Variants in TMCO5A observed in about 807,000 individuals in gnomAD.
TMCO5A encodes the protein transmembrane and coiled-coil domain-containing protein 5A.
In TMCO5A, 34 loss-of-function variants were observed where a neutral mutation model predicts 42.3. The observed-to-expected ratio is 0.80, with a 90% CI of 0.61 to 1.07. TMCO5A has a LOEUF of 1.07. Among genes scored for constraint, TMCO5A ranks in the 50% least tolerant of loss-of-function variants. The probability of loss-of-function intolerance (pLI) is 0.00; values close to 1 mark genes in which losing one functional copy is unlikely to be tolerated. For missense variants in TMCO5A, 357 were observed against 327.9 expected (o/e 1.09, Z -0.69); for synonymous variants, 131 against 115.6 (o/e 1.13, Z -0.86).
At chr15:38,030,251 C>T in the TMCO5A span, among the ~76,000 whole-genome samples, 6 of 152,164 alleles carry the variant, frequency 3.9e-5, no homozygotes, top group East Asian at 9.6e-4. Context: ...CAATTCTGAT[C>T]GTTCTATCCC....
the TMCO5A span, among the ~76,000 whole-genome samples, chr15:38,011,857 G>A: frequency 6.6e-6 from 1 of 152,150 alleles, no homozygotes; most frequent in Non-Finnish European, 1.5e-5. Context: ...AGGCATGGTG[G>A]CTCATGCTTG....
chr15:37,976,603 C>CT, the TMCO5A span, among the ~76,000 whole-genome samples: 3 of 151,968 alleles, frequency 2.0e-5, no homozygotes, highest in African/African-American at 7.3e-5. Flanking sequence ...TTTGTCAATT[C>CT]TTTTTGTTTC....
intron 10 of TMCO5A, among the ~76,000 whole-genome samples, chr15:37,946,602 G>C (rs1042146763): frequency 4.4e-4 from 67 of 151,932 alleles, no homozygotes; most frequent in African/African-American, 1.5e-3. Context: ...GTATTCCTAG[G>C]TATTTTATTT....
At chr15:37,962,343 T>C (rs1375216089) in intron 11 of TMCO5A, among the ~76,000 whole-genome samples, 1 of 152,210 alleles carries the variant, frequency 6.6e-6, no homozygotes, top group Non-Finnish European at 1.5e-5. Context: ...ATAACCTTTA[T>C]TGACTTGTGT....
chr15:37,944,624 G>A (rs988678109), intron 10 of TMCO5A, among the ~76,000 whole-genome samples: 9 of 151,976 alleles, frequency 5.9e-5, no homozygotes, highest in African/African-American at 1.4e-4. Context: ...GTAGAAAGAT[G>A]AAGTCTCACT....
chr15:38,028,915 A>G, the TMCO5A span, among the ~76,000 whole-genome samples: 2 of 152,220 alleles, frequency 1.3e-5, no homozygotes, highest in Non-Finnish European at 2.9e-5. Flanking sequence ...GACCTCATTG[A>G]AACAAACAAA....
downstream of TMCO5A, among the ~76,000 whole-genome samples, chr15:37,970,639 C>G (rs934118699): frequency 1.3e-5 from 2 of 152,210 alleles, no homozygotes; most frequent in Non-Finnish European, 2.9e-5. Flanking sequence ...GCCTATGAGA[C>G]TGTAAAATCA....
At chr15:38,017,003 G>C in the TMCO5A span, among the ~76,000 whole-genome samples, 2 of 152,166 alleles carry the variant, frequency 1.3e-5, no homozygotes, top group South Asian at 2.1e-4. Flanking sequence ...CAGAATGAGA[G>C]ACAGAGAGAG....
chr15:37,943,377 G>A lies in TMCO5A; in HGVS notation c.606G>A (p.Glu202=). 1 of 1,612,412 alleles carries A rather than the reference G, an allele frequency of 6.2e-7. No homozygotes were observed. The highest frequency in any genetic ancestry group is 8.5e-7 in the Non-Finnish European group (1 of 1,179,112). ...TGAGCATGAACCCTGTGGAAAAAGA[G>A]CATACCAGCCAAAATAATGAGGTAA... ...KLVSMNPVEK[E]HTSQNNEGTP... The change falls in exon 10 of 12, where the codon GAG becomes GAA. Residue 202 remains glutamate, a synonymous_variant. Coordinates refer to ENST00000319669, the MANE Select transcript of TMCO5A (RefSeq NM_152453.4).
At chr15:37,954,077 C>A (rs1335936181), downstream of TMCO5A, among the ~76,000 whole-genome samples, 3 of 151,658 alleles carry the variant, frequency 2.0e-5, no homozygotes, top group Non-Finnish European at 4.4e-5. Context: ...TAGAAAGTAA[C>A]CTCAAAAGAA....
In TMCO5A at chr15:37,936,367, G is replaced by T. The variant is rs1458349863; in HGVS notation, c.44G>T (p.Ser15Ile). 1.2e-6 allele frequency: 2 copies of T among 1,612,964 alleles called. No individual in the cohort carries two copies. Among genetic ancestry groups the T allele is most frequent in the Non-Finnish European group, 1.7e-6 (2 of 1,179,368 alleles). ...GCTCAGTCAAAAAGAAACATTATCA[G>T]TTTGAACATGGACCTTGAAAGGGAT... is the stretch of plus-strand genomic sequence containing the variant. ...RLAQSKRNII[S>I]LNMDLERDTQ... is the part of the protein sequence containing the mutation. Residue 15 changes from serine (S) to isoleucine (I), a missense_variant, in exon 3 of 12, where the codon AGT becomes ATT. Ser to Ile is a moderately radical substitution (Grantham distance 142). Transcript: ENST00000319669.
rs1057018493 is a variant in TMCO5A, at chr15:37,943,727, T to C, written c.627+329T>C. ...GCCAATATAGGGCACATACACCACC[T>C]CTTCCATCTCCTACAATCACAGTAC... On this transcript the variant is annotated intron_variant, in intron 10 of 11. Coordinates refer to ENST00000319669, the MANE Select transcript of TMCO5A (RefSeq NM_152453.4). 13 of 226,020 alleles carry C rather than the reference T, an allele frequency of 5.8e-5. No homozygotes were observed. In the Admixed American group the frequency reaches 6.8e-4, roughly 12 times the overall value. The allele number at this position is 226,020 out of a possible 1,614,324, so 14.0% of individuals were successfully genotyped here.
chr15:37,995,707 T>G, the TMCO5A span, among the ~76,000 whole-genome samples: 2 of 152,184 alleles, frequency 1.3e-5, no homozygotes, highest in Non-Finnish European at 1.5e-5. Context: ...ATCCCAGCAC[T>G]ATATGGCACG....
chr15:37,963,940 CT>C (rs952858540), intron 11 of TMCO5A, among the ~76,000 whole-genome samples: 2 of 152,108 alleles, frequency 1.3e-5, no homozygotes, highest in Non-Finnish European at 2.9e-5. Flanking sequence ...TGGGCTTTGC[CT>C]TTCTCTGGTG....
At chr15:37,974,691 A>T in the TMCO5A span, among the ~76,000 whole-genome samples, 1 of 152,070 alleles carries the variant, frequency 6.6e-6, no homozygotes, top group Non-Finnish European at 1.5e-5. Flanking sequence ...TCTTTCAAAA[A>T]ACCAACTCCT....
the TMCO5A span, among the ~76,000 whole-genome samples, chr15:37,973,566 C>T: frequency 2.0e-5 from 3 of 152,030 alleles, no homozygotes; most frequent in Non-Finnish European, 4.4e-5. Context: ...CCTGATTTGG[C>T]TCTCGGCTTG....
chr15:37,939,401 G>C (rs191926333), intron 6 of TMCO5A, among the ~76,000 whole-genome samples: 1 of 152,184 alleles, frequency 6.6e-6, no homozygotes, highest in East Asian at 1.9e-4. Context: ...GGAAGAAATT[G>C]GAGCCAAAAT....
exon 12 of TMCO5A, chr15:37,966,976 G>A (rs1890573722): frequency 8.9e-6 from 3 of 336,502 alleles, no homozygotes; most frequent in Admixed American, 8.9e-5. Context: ...AAGGGATGCT[G>A]GACACGCAAA....
At chr15:37,992,822 G>T in the TMCO5A span, among the ~76,000 whole-genome samples, 1 of 152,048 alleles carries the variant, frequency 6.6e-6, no homozygotes, top group Non-Finnish European at 1.5e-5. Flanking sequence ...CACAAAAGGG[G>T]AACATCAGAC....
Sources: allele counts gnomAD v4.1 joint callset (sites outside exome capture counted in the v4.1 genomes callset), GRCh38; gene constraint gnomAD v4.1.1; transcripts MANE v1.5; gene names NCBI Gene and HGNC (gene_info 2026-07-23, HGNC 2026-07-21).